Variants in FAM3D observed in about 807,000 individuals in gnomAD.
FAM3D encodes the protein FAM3 metabolism regulating signaling molecule D.
A neutral mutation model predicts 29.8 loss-of-function variants in FAM3D; 26 were observed. The observed-to-expected ratio is 0.87, with a 90% CI of 0.64 to 1.21. FAM3D has a LOEUF of 1.21. FAM3D is among the 50% of genes most tolerant of loss of function. The pLI, the probability that FAM3D is intolerant of heterozygous loss-of-function variation, is 0.00. For missense variants in FAM3D, 253 were observed against 290.9 expected, an observed-to-expected ratio of 0.87 and a Z score of 0.95; for synonymous variants, 115 against 102.3, an observed-to-expected ratio of 1.12 and a Z score of -0.75.
intron 7 of FAM3D, 102 bp from the exon 8 acceptor site, chr3:58,637,327 G>T: frequency 9.4e-7 from 1 of 1,066,978 alleles, no homozygotes; most frequent in Non-Finnish European, 1.4e-6. Flanking sequence ...GCTAGGCCCG[G>T]TGGACACTGG....
At position 58,651,524 on chromosome 3, in the gene FAM3D, C is replaced by T. The variant is rs922258003; in HGVS notation, c.121+2150G>A. On this transcript the variant is annotated intron_variant, in intron 3 of 9. Transcript: ENST00000358781. ...AGTCTGTTTCTTTCTCTGACTCAGA[C>T]CATGAGCAGGGCCACATGTTCCTCA... 6.6e-5 allele frequency among the ~76,000 whole-genome samples: 10 copies of T among 152,308 alleles called. No individual in the cohort carries two copies. The Middle Eastern group carries it at 0.014, about 209-fold the overall frequency.
intron 6 of FAM3D, among the ~76,000 whole-genome samples, chr3:58,642,309 T>A (rs978971627): frequency 2.0e-5 from 3 of 152,090 alleles, no homozygotes; most frequent in Admixed American, 2.0e-4. Context: ...CCCATTAGGG[T>A]TTCTTGGCAG....
At chr3:58,666,433 A>G (rs1046171193) in intron 1 of FAM3D, 143 bp downstream of exon 1, 2 of 152,140 alleles carry the variant, frequency 1.3e-5, no homozygotes, top group African/African-American at 4.8e-5. Flanking sequence ...CTCTTCGATT[A>G]TGTGGTTTCC....
rs968128873 is a variant in FAM3D, at chr3:58,635,178, A to AAT, written c.586-812_586-811dup. The stretch of plus-strand genomic sequence containing the variant: ...TGACAGAGCGAGACCCTATCTCTAA[A>AAT]ATATATATATACTAGTAATAAGTAT... On this transcript the variant is annotated intron_variant, in intron 9 of 9. Transcript: ENST00000358781. The surrounding 1 kb of genome is among the most constrained non-coding windows in gnomAD (Gnocchi z 5.2). 5.9e-5 allele frequency among the ~76,000 whole-genome samples: 9 copies of AAT among 152,242 alleles called. No homozygotes were observed. Among genetic ancestry groups the AAT allele is most frequent in the Non-Finnish European group, 7.4e-5 (5 of 68,022 alleles).
chr3:58,635,376 G>A lies in FAM3D; in HGVS notation c.585+918C>T, dbSNP rs2066134027. Among the ~76,000 whole-genome samples, 1 of 152,172 alleles carries A rather than the reference G, an allele frequency of 6.6e-6. No individual in the cohort carries two copies. The highest frequency in any genetic ancestry group is 2.4e-5 in the African/African-American group (1 of 41,434). ...TAAAACCCAGTTTCCCAAGTGTGAG[G>A]ACTAAGAACAGACCGGCTTAGTCCC... On this transcript the variant is annotated intron_variant, in intron 9 of 9. Coordinates refer to ENST00000358781, the MANE Select transcript of FAM3D (RefSeq NM_138805.3). The surrounding 1 kb of genome is among the most constrained non-coding windows in gnomAD (Gnocchi z 5.2).
rs572566817 is a variant in FAM3D, at chr3:58,660,654, A to G, written c.-38-5053T>C. On this transcript the variant is annotated intron_variant, in intron 1 of 9. Transcript: ENST00000358781. ...TAATGGTTTTCTCCAGCTCTGGCCAATGGTAGAATTATTGGGCCAGTCAGA... is the reference window on the plus strand; with the variant it reads ...TAATGGTTTTCTCCAGCTCTGGCCAGTGGTAGAATTATTGGGCCAGTCAGA... Among the ~76,000 whole-genome samples the G allele has an allele frequency of 6.6e-5, 10 of 152,254 alleles. No individual in the cohort carries two copies. In the South Asian group the frequency reaches 1.5e-3, roughly 22 times the overall value.
In FAM3D at chr3:58,645,493, T is replaced by G. The variant is rs2066450110; in HGVS notation, c.263+16A>C. 2 of 1,381,682 alleles carry G rather than the reference T, an allele frequency of 1.4e-6. No individual in the cohort carries two copies. The highest frequency in any genetic ancestry group is 2.0e-6 in the Non-Finnish European group (2 of 990,294). 85.6% of individuals were successfully genotyped at this position (1,381,682 alleles called of 1,614,324 possible). ...AAATAAAATAAAATAAACATAGTTG[T>G]GTCTTAGGTACTTACATGCGGTCTT... is the stretch of plus-strand genomic sequence containing the variant. On this transcript the variant is annotated intron_variant, in intron 5 of 9. Transcript: ENST00000358781.
chr3:58,642,411 C>T (rs1210918851), intron 6 of FAM3D, among the ~76,000 whole-genome samples: 6 of 152,222 alleles, frequency 3.9e-5, no homozygotes, highest in Non-Finnish European at 8.8e-5. Flanking sequence ...CCTAAGTGTG[C>T]TCATGTGGTC....
At chr3:58,649,507 C>A in intron 3 of FAM3D, 169 bp from the exon 4 acceptor site, 1 of 688,744 alleles carries the variant, frequency 1.5e-6, no homozygotes, top group Middle Eastern at 2.5e-4. Context: ...CATACATACA[C>A]ACACAGCACA....
rs1381455853 is a variant in FAM3D at position 58,634,836 on chromosome 3, T to C, written c.586-468A>G. Among the ~76,000 whole-genome samples, 1 of 152,100 alleles carries C rather than the reference T, an allele frequency of 6.6e-6. No homozygotes were observed. Among genetic ancestry groups the C allele is most frequent in the Non-Finnish European group, 1.5e-5 (1 of 68,024 alleles). On this transcript the variant is annotated intron_variant, in intron 9 of 9. Coordinates refer to ENST00000358781, the MANE Select transcript of FAM3D (RefSeq NM_138805.3). The surrounding 1 kb of genome is among the most constrained non-coding windows in gnomAD (Gnocchi z 4.6). ...AGGCACAGAGGGTCACTGCCCGTAGTCACTGGCTGGTAAGTGGCAGAACCA... is the reference window on the plus strand; with the variant it reads ...AGGCACAGAGGGTCACTGCCCGTAGCCACTGGCTGGTAAGTGGCAGAACCA...
At chr3:58,664,502 C>T (rs543324670) in intron 1 of FAM3D, among the ~76,000 whole-genome samples, 26 of 152,326 alleles carry the variant, frequency 1.7e-4, no homozygotes, top group African/African-American at 5.8e-4. Flanking sequence ...ATATTGTGCA[C>T]CTACTACGTG....
At chr3:58,661,038 T>G (rs745508302) in intron 1 of FAM3D, among the ~76,000 whole-genome samples, 8 of 152,242 alleles carry the variant, frequency 5.3e-5, no homozygotes, top group Non-Finnish European at 1.2e-4. Flanking sequence ...GCAGGCCGTA[T>G]GTTCTGTTAC....
chr3:58,658,471 C>T (rs910055497), intron 1 of FAM3D, among the ~76,000 whole-genome samples: 3 of 152,106 alleles, frequency 2.0e-5, no homozygotes, highest in African/African-American at 7.2e-5. Context: ...TCTGGAGCAG[C>T]CCCGGGCCTT....
intron 1 of FAM3D, among the ~76,000 whole-genome samples, chr3:58,660,617 A>G (rs1267540112): frequency 6.6e-6 from 1 of 152,116 alleles, no homozygotes; most frequent in Non-Finnish European, 1.5e-5. Flanking sequence ...TTTTAATTTT[A>G]TTTATTGGTG....
intron 1 of FAM3D, among the ~76,000 whole-genome samples, chr3:58,664,677 G>A (rs2066996537): frequency 6.6e-6 from 1 of 152,258 alleles, no homozygotes; most frequent in African/African-American, 2.4e-5. Context: ...AAAAAGGGCA[G>A]AACTGGGATT....
chr3:58,643,632 G>A lies in FAM3D; in HGVS notation c.322+30C>T, dbSNP rs534753240. On this transcript the variant is annotated intron_variant, in intron 6 of 9. Transcript: ENST00000358781. ...CCCTACCCTCCCTGGTTCTGGGTGG[G>A]AACTGTCTGGGGATGGATATGCAAC... 1.5e-5 allele frequency: 24 copies of A among 1,611,578 alleles called. No homozygotes were observed. The South Asian group carries it at 2.0e-4, about 13-fold the overall frequency.
At chr3:58,664,495 T>G (rs2066992531) in intron 1 of FAM3D, among the ~76,000 whole-genome samples, 1 of 152,250 alleles carries the variant, frequency 6.6e-6, no homozygotes, top group Non-Finnish European at 1.5e-5. Flanking sequence ...CTGTCCTATA[T>G]TGTGCACCTA....
chr3:58,649,372 G>A (rs750934456), intron 3 of FAM3D, 34 bp from the exon 4 acceptor site: 3 of 1,613,658 alleles, frequency 1.9e-6, no homozygotes, highest in Admixed American at 3.3e-5. Context: ...TAGAGGAAAA[G>A]CACTTCGGAC....
intron 4 of FAM3D, among the ~76,000 whole-genome samples, chr3:58,646,662 A>T (rs1229363999): frequency 6.6e-6 from 1 of 152,214 alleles, no homozygotes; most frequent in Non-Finnish European, 1.5e-5. Flanking sequence ...TTCCCTCCCC[A>T]GCCCCTGTGC....
Sources: allele counts gnomAD v4.1 joint callset (sites outside exome capture counted in the v4.1 genomes callset), GRCh38; gene constraint gnomAD v4.1.1; non-coding constraint Gnocchi (gnomAD v3.1); transcripts MANE v1.5; gene names NCBI Gene and HGNC (gene_info 2026-07-23, HGNC 2026-07-21).